Variants in ATAD2B observed in about 807,000 individuals in gnomAD.
The protein encoded by ATAD2B is ATPase family AAA domain containing 2B.
A neutral mutation model predicts 167.6 loss-of-function variants in ATAD2B; 40 were observed. That is an observed-to-expected ratio of 0.24 (90% CI 0.19 to 0.31). ATAD2B has a LOEUF of 0.31. Ranked by LOEUF, ATAD2B falls within the 10% of genes least tolerant of loss-of-function variation. The pLI, the probability that ATAD2B is intolerant of heterozygous loss-of-function variation, is 1.00. For synonymous variants in ATAD2B, 579 were observed against 596.5 expected, an observed-to-expected ratio of 0.97 and a Z score of 0.43; for missense variants, 1,242 against 1,757.2, an observed-to-expected ratio of 0.71 and a Z score of 5.24.
At chr2:23,800,695 TTTC>T (rs771294551) in intron 18 of ATAD2B, among the ~76,000 whole-genome samples, 64 of 152,230 alleles carry the variant, frequency 4.2e-4, no homozygotes, top group Admixed American at 2.3e-3. Flanking sequence ...TTCCAAAAAA[TTTC>T]TTATTTTCAT....
At chr2:23,910,173 CTTTTTTT>C (rs756806271) in intron 1 of ATAD2B, among the ~76,000 whole-genome samples, 2 of 106,898 alleles carry the variant, frequency 1.9e-5, no homozygotes, top group African/African-American at 7.4e-5. Flanking sequence ...CTTGCATACT[CTTTTTTT>C]TTTTTTTTTT....
chr2:23,792,831 G>A (rs1246752189), intron 19 of ATAD2B, among the ~76,000 whole-genome samples: 7 of 151,240 alleles, frequency 4.6e-5, no homozygotes, highest in African/African-American at 9.7e-5. Context: ...GCGTGGTGGC[G>A]GGCGCCTTTA....
intron 9 of ATAD2B, among the ~76,000 whole-genome samples, chr2:23,868,636 TTGAA>T (rs1256060345): frequency 6.6e-6 from 1 of 152,204 alleles, no homozygotes; most frequent in Non-Finnish European, 1.5e-5. Context: ...AGTTATATGA[TTGAA>T]AAAATTGTCT....
At chr2:23,684,374 C>A in the ATAD2B span, 1 of 1,398,034 alleles carries the variant, frequency 7.2e-7, no homozygotes, top group Non-Finnish European at 9.4e-7. This position sits in a 1 kb window ranked among gnomAD's most constrained non-coding sequence, Gnocchi z 4.4. Context: ...GGAACCTGGC[C>A]CTGTCTGTCT....
chr2:23,896,074 T>C, intron 1 of ATAD2B, 104 bp from the exon 2 acceptor site: 1 of 923,810 alleles, frequency 1.1e-6, no homozygotes, highest in Non-Finnish European at 1.5e-6. Flanking sequence ...CCCAGCACTT[T>C]GGGTGGCCGA....
In ATAD2B at chr2:23,869,694, T is replaced by C. The variant is rs765250811; in HGVS notation, c.1045A>G (p.Lys349Glu). The change falls in exon 9 of 28, where the codon AAA becomes GAA. Residue 349 changes from lysine (K) to glutamate (E), a missense_variant. Transcript: ENST00000238789. ...CTTGCTCTTGCCATGCTCTTTGATT[T>C]CCTTCTTTCAAAGCGTTCCTCATCA... ...SSDEERFERRKSKSMARARNR... is the reference protein window; with the variant it reads ...SSDEERFERRESKSMARARNR... 1 of 1,568,066 alleles carries C rather than the reference T, an allele frequency of 6.4e-7. No homozygotes were observed. The highest frequency in any genetic ancestry group is 1.2e-5 in the South Asian group (1 of 85,452).
intron 23 of ATAD2B, among the ~76,000 whole-genome samples, chr2:23,762,610 A>G (rs985735887): frequency 2.6e-5 from 4 of 152,194 alleles, no homozygotes; most frequent in Admixed American, 1.3e-4. Context: ...TTAATTCACA[A>G]AGAGGCACAT....
intron 22 of ATAD2B, among the ~76,000 whole-genome samples, chr2:23,767,673 T>C (rs187308695): frequency 4.8e-4 from 73 of 152,276 alleles, no homozygotes; most frequent in Non-Finnish European, 9.4e-4. Context: ...CCAGGGAGCA[T>C]AGTCACTAGG....
chr2:23,910,195 T>A (rs1247721330), intron 1 of ATAD2B, among the ~76,000 whole-genome samples: 80 of 144,774 alleles, frequency 5.5e-4, no homozygotes, highest in South Asian at 1.3e-3. Flanking sequence ...TTTTTTTTTT[T>A]AGACAAGAGT....
At chr2:23,791,547 G>A (rs1321478788) in intron 19 of ATAD2B, among the ~76,000 whole-genome samples, 2 of 151,296 alleles carry the variant, frequency 1.3e-5, no homozygotes, top group Non-Finnish European at 2.9e-5. Flanking sequence ...GGGTTGCAGT[G>A]GTATTTCATT....
At chr2:23,684,499 A>AG in the ATAD2B span, 3 of 1,550,528 alleles carry the variant, frequency 1.9e-6, no homozygotes, top group Non-Finnish European at 2.6e-6. This position sits in a 1 kb window ranked among gnomAD's most constrained non-coding sequence, Gnocchi z 4.4. Flanking sequence ...AAAATGTTCT[A>AG]GCTTCCTGCA....
intron 1 of ATAD2B, among the ~76,000 whole-genome samples, chr2:23,921,801 A>AT (rs1703968569): frequency 6.6e-6 from 1 of 152,174 alleles, no homozygotes; most frequent in South Asian, 2.1e-4. Context: ...GAGTACCTAT[A>AT]TTGTACTCCA....
intron 22 of ATAD2B, among the ~76,000 whole-genome samples, chr2:23,767,258 C>T (rs1211940560): frequency 6.6e-6 from 1 of 152,148 alleles, no homozygotes; most frequent in Non-Finnish European, 1.5e-5. Flanking sequence ...ACACTTACCT[C>T]GTCATTCTCT....
chr2:23,682,500 G>A, the ATAD2B span, among the ~76,000 whole-genome samples: 1 of 152,200 alleles, frequency 6.6e-6, no homozygotes, highest in Non-Finnish European at 1.5e-5. The surrounding 1 kb of genome is among the most constrained non-coding windows in gnomAD (Gnocchi z 4.1). Flanking sequence ...TGAAACCCAA[G>A]TCTAACCTTG....
chr2:23,783,928 T>TCA (rs1032441729), intron 21 of ATAD2B, among the ~76,000 whole-genome samples: 4 of 151,900 alleles, frequency 2.6e-5, no homozygotes, highest in African/African-American at 7.2e-5. Context: ...ATTTACACAT[T>TCA]CACACACACA....
At chr2:23,922,637 C>A (rs1438011565) in intron 1 of ATAD2B, among the ~76,000 whole-genome samples, 1 of 142,372 alleles carries the variant, frequency 7.0e-6, no homozygotes, top group African/African-American at 2.6e-5. Flanking sequence ...TTTTAATGGG[C>A]AAAGCAGGAT....
At chr2:23,769,074 C>T (rs1471380001) in intron 22 of ATAD2B, among the ~76,000 whole-genome samples, 1 of 152,158 alleles carries the variant, frequency 6.6e-6, no homozygotes, top group African/African-American at 2.4e-5. Flanking sequence ...TCTTCAGCAA[C>T]CGCAGGGGAT....
At chr2:23,760,727 CACAT>C (rs1476515510) in intron 24 of ATAD2B, among the ~76,000 whole-genome samples, 18 of 137,938 alleles carry the variant, frequency 1.3e-4, no homozygotes, top group African/African-American at 4.1e-4. Flanking sequence ...CACACACACA[CACAT>C]ATACACACAC....
chr2:23,784,498 C>A (rs1260604613), intron 21 of ATAD2B, among the ~76,000 whole-genome samples: 1 of 152,078 alleles, frequency 6.6e-6, no homozygotes, highest in African/African-American at 2.4e-5. Flanking sequence ...CATTTTCTAT[C>A]CCCTTACCGT....
Sources: gnomAD v4.1 joint callset for allele counts (sites outside exome capture counted in the v4.1 genomes callset) on GRCh38, gnomAD v4.1.1 for gene constraint, Gnocchi (gnomAD v3.1) non-coding constraint, MANE v1.5 for transcripts, NCBI Gene and HGNC (gene_info 2026-07-23, HGNC 2026-07-21) for gene names.